The following ACTB variants were observed in gnomAD, a reference collection of about 807,000 sequenced individuals.
The protein encoded by ACTB is actin, cytoplasmic 1.
ACTB carries 2 observed loss-of-function variants against 30.5 expected under a neutral mutation model. The ratio of observed to expected loss-of-function variants is 0.07; its 90% CI spans 0.03 to 0.21. The LOEUF (loss-of-function observed/expected upper bound fraction) is 0.21, where lower values mean the gene tolerates loss of function less well. Ranked by LOEUF, ACTB falls within the 10% of genes least tolerant of loss-of-function variation. ACTB has a pLI of 1.00. For synonymous variants in ACTB, 335 were observed against 217.6 expected, an observed-to-expected ratio of 1.54 and a Z score of -4.75; for missense variants, 56 against 530.0, an observed-to-expected ratio of 0.11 and a Z score of 8.78.
At chr7:5,530,250 C>G (rs1784863486) in intron 1 of ACTB, among the ~76,000 whole-genome samples, 1 of 151,982 alleles carries the variant, frequency 6.6e-6, no homozygotes. Context: ...GGCAAGAGCC[C>G]GGCTCAGACA....
At chr7:5,528,900 C>T (rs1784821375) in intron 3 of ACTB, 181 bp from the exon 4 acceptor site, 3 of 1,432,300 alleles carry the variant, frequency 2.1e-6, no homozygotes. Context: ...TTTACACCAG[C>T]CTCATGGCCT....
At chr7:5,529,874 C>CCCAA (rs1223424027) in intron 1 of ACTB, 1 of 802,312 alleles carries the variant, frequency 1.2e-6, no homozygotes, top group Non-Finnish European at 2.0e-6. Context: ...CCAACCCCCT[C>CCCAA]CCAACCGGGC....
chr7:5,528,750 G>T, intron 3 of ACTB, 31 bp from the exon 4 acceptor site: 2 of 1,610,974 alleles, frequency 1.2e-6, no homozygotes, highest in Non-Finnish European at 8.5e-7. Flanking sequence ...ATGTCACACT[G>T]GGGAAGCCAC....
intron 1 of ACTB, chr7:5,529,910 A>G (rs372999361): frequency 9.5e-6 from 5 of 527,838 alleles, no homozygotes; most frequent in South Asian, 7.5e-5. Flanking sequence ...GCCCGGTTCA[A>G]ACAGCGCCGG....
chr7:5,528,874 C>A, intron 3 of ACTB, 155 bp from the exon 4 acceptor site: 2 of 1,396,826 alleles, frequency 1.4e-6, no homozygotes, highest in Admixed American at 3.9e-5. Flanking sequence ...CTACTTAATA[C>A]ACACTCCAAG....
Position 5,527,732 on chromosome 7 carries a change from C to G in ACTB, c.*16G>C. ...TTTGTCAAGAAAGGGTGTAACGCAA[C>G]TAAGTCATAGTCCGCCTAGAAGCAT... On this transcript the variant is annotated 3_prime_UTR_variant, in exon 6 of 6. Coordinates refer to ENST00000646664, the MANE Select transcript of ACTB (RefSeq NM_001101.5). 5 of 1,613,190 alleles carry G rather than the reference C, an allele frequency of 3.1e-6. No homozygotes were observed. The South Asian group carries it at 3.3e-5, about 11-fold the overall frequency.
chr7:5,528,871 A>T (rs1784820801), intron 3 of ACTB, 152 bp from the exon 4 acceptor site: 1 of 1,388,736 alleles, frequency 7.2e-7, no homozygotes, highest in Admixed American at 1.9e-5. Context: ...CACCTACTTA[A>T]TACACACTCC....
chr7:5,528,428 C>T lies in ACTB; in HGVS notation c.655G>A (p.Val219Ile). ...ATCTCTTGCTCGAAGTCCAGGGCGA[C>T]GTAGCACAGCTTCTCCTTAATGTCA... is the stretch of plus-strand genomic sequence containing the variant. ...VRDIKEKLCY[V>I]ALDFEQEMAT... Residue 219 changes from valine (V) to isoleucine (I), a missense_variant, in exon 4 of 6, where the codon GTC becomes ATC. Val to Ile is a conservative substitution (Grantham distance 29). Coordinates refer to ENST00000646664, the MANE Select transcript of ACTB (RefSeq NM_001101.5). 1 of 1,614,124 alleles carries T rather than the reference C, an allele frequency of 6.2e-7. No homozygotes were observed.
chr7:5,529,019 C>T, intron 3 of ACTB, 142 bp downstream of exon 3: 1 of 1,610,730 alleles, frequency 6.2e-7, no homozygotes, highest in South Asian at 1.1e-5. Flanking sequence ...CAAATAGAAC[C>T]TGCAGAGTTC....
chr7:5,527,925 T>C, intron 5 of ACTB, 34 bp from the exon 6 acceptor site: 4 of 1,613,046 alleles, frequency 2.5e-6, no homozygotes, highest in Middle Eastern at 3.3e-4. Flanking sequence ...GTGAGGACCC[T>C]GGATGTGACA....
intron 1 of ACTB, among the ~76,000 whole-genome samples, chr7:5,530,207 G>C (rs1472969324): frequency 6.6e-6 from 1 of 151,904 alleles, no homozygotes; most frequent in Non-Finnish European, 1.5e-5. Context: ...GGCCTGGCGG[G>C]GGCTCCGCCG....
At position 5,527,760 on chromosome 7, in the gene ACTB, G is replaced by A. The variant is rs1784796952; in HGVS notation, c.1116C>T (p.Arg372=). The change falls in exon 6 of 6, where the codon CGC becomes CGT. Residue 372 remains arginine, a synonymous_variant. Transcript: ENST00000646664. ...AGTCATAGTCCGCCTAGAAGCATTT[G>A]CGGTGGACGATGGAGGGGCCGGACT... ...YDESGPSIVH[R]KCF The A allele has an allele frequency of 1.4e-5, 22 of 1,613,874 alleles. No individual in the cohort carries two copies. Among genetic ancestry groups the A allele is most frequent in the Non-Finnish European group, 1.5e-5 (18 of 1,180,004 alleles).
Position 5,527,402 on chromosome 7 carries a change from G to A in ACTB, c.*346C>T, listed in dbSNP as rs538427751. 15 of 408,908 alleles carry A rather than the reference G, an allele frequency of 3.7e-5. No homozygotes were observed. Among genetic ancestry groups the A allele is most frequent in the African/African-American group, 2.8e-4 (14 of 49,240 alleles). The allele number at this position is 408,908 out of a possible 1,614,324, so 25.3% of individuals were successfully genotyped here. ...GCAATGCTATCACCTCCCCTGTGTG[G>A]ACTTGGGAGAGGACTGGGCCATTCT... On this transcript the variant is annotated 3_prime_UTR_variant, in exon 6 of 6. Transcript: ENST00000646664.
At position 5,529,338 on chromosome 7, in the gene ACTB, T is replaced by C; in HGVS notation, c.186A>G (p.Arg62=). The change falls in exon 3 of 6, where the codon AGA becomes AGG. Residue 62 remains arginine, a synonymous_variant. Coordinates refer to ENST00000646664, the MANE Select transcript of ACTB (RefSeq NM_001101.5). ...TGGGGTACTTCAGGGTGAGGATGCC[T>C]CTCTTGCTCTGGGCCTCGTCGCCCA... is the stretch of plus-strand genomic sequence containing the variant. The part of the protein sequence containing the change: ...SYVGDEAQSK[R]GILTLKYPIE... 1 of 1,614,040 alleles carries C rather than the reference T, an allele frequency of 6.2e-7. No individual in the cohort carries two copies. The highest frequency in any genetic ancestry group is 8.5e-7 in the Non-Finnish European group (1 of 1,180,026).
intron 1 of ACTB, chr7:5,529,912 C>T (rs1784851063): frequency 1.9e-6 from 1 of 520,566 alleles, no homozygotes; most frequent in South Asian, 1.9e-5. Context: ...CCGGTTCAAA[C>T]AGCGCCGGGT....
chr7:5,528,201 G>GGGC lies in ACTB; in HGVS notation c.803-19_803-17dup. 6.2e-7 allele frequency: 1 copy of GGGC among 1,613,884 alleles called. No individual in the cohort carries two copies. Among genetic ancestry groups the GGGC allele is most frequent in the Non-Finnish European group, 8.5e-7 (1 of 1,179,740 alleles). Reference sequence around the variant, plus strand: ...GACTCCATGCCTGAGAGGGAAATGAGGGCAGGACTTAGCTTCCACAGCACA... The same window carrying GGGC: ...GACTCCATGCCTGAGAGGGAAATGAGGGCGGCAGGACTTAGCTTCCACAGCACA... On this transcript the variant is annotated splice_polypyrimidine_tract_variant and intron_variant, in intron 4 of 5. Coordinates refer to ENST00000646664, the MANE Select transcript of ACTB (RefSeq NM_001101.5).
chr7:5,529,476 G>A (rs1006519745), intron 2 of ACTB, 59 bp downstream of exon 2: 6 of 1,612,852 alleles, frequency 3.7e-6, no homozygotes, highest in African/African-American at 2.7e-5. Context: ...CCTGTGCAGA[G>A]AAAGCGCCCT....
In ACTB at chr7:5,527,287, G is replaced by GCA. The variant is rs1325804677; in HGVS notation, c.*459_*460dup. The GCA allele has an allele frequency of 1.2e-5, 3 of 240,742 alleles. No homozygotes were observed. In the Admixed American group the frequency reaches 1.6e-4, roughly 13 times the overall value. 14.9% of individuals were successfully genotyped at this position (240,742 alleles called of 1,614,324 possible). The stretch of plus-strand genomic sequence containing the variant: ...GGGGACAAAAAAGGGGGAAGGGGGG[G>GCA]CACGAAGGCTCATCATTCAAAATAA... On this transcript the variant is annotated 3_prime_UTR_variant, in exon 6 of 6. Transcript: ENST00000646664.
At position 5,527,482 on chromosome 7, in the gene ACTB, G is replaced by A. The variant is rs1459749757; in HGVS notation, c.*266C>T. On this transcript the variant is annotated 3_prime_UTR_variant, in exon 6 of 6. Coordinates refer to ENST00000646664, the MANE Select transcript of ACTB (RefSeq NM_001101.5). ...ATGGCAAGGGACTTCCTGTAACAAC[G>A]CATCTCATATTTGGAATGACTATTA... 11 of 557,302 alleles carry A rather than the reference G, an allele frequency of 2.0e-5. No individual in the cohort carries two copies. The highest frequency in any genetic ancestry group is 4.1e-5 in the South Asian group (2 of 48,728). 34.5% of individuals were successfully genotyped at this position (557,302 alleles called of 1,614,324 possible).
Sources: gnomAD v4.1 joint callset for allele counts (sites outside exome capture counted in the v4.1 genomes callset) on GRCh38, gnomAD v4.1.1 for gene constraint, MANE v1.5 for transcripts, NCBI Gene and HGNC (gene_info 2026-07-23, HGNC 2026-07-21) for gene names.